WNT9A: variants seen among roughly 807,000 people sequenced by gnomAD.
WNT9A encodes the protein Wnt family member 9A.
A neutral mutation model predicts 31.4 loss-of-function variants in WNT9A; 8 were observed. The observed-to-expected ratio is 0.26, with a 90% CI of 0.15 to 0.46. The LOEUF is 0.46. WNT9A is among the 20% of genes least tolerant of loss of function. WNT9A has a pLI of 0.99. For synonymous variants in WNT9A, 236 were observed against 220.1 expected (o/e 1.07, Z -0.64); for missense variants, 457 against 522.9 (o/e 0.87, Z 1.23).
intron 1 of WNT9A, among the ~76,000 whole-genome samples, chr1:227,932,021 G>GC (rs1666521198): frequency 6.6e-6 from 1 of 152,060 alleles, no homozygotes; most frequent in Non-Finnish European, 1.5e-5. Context: ...ACGCCCAGCC[G>GC]GAAATTTCTT....
rs8192628 is a variant in WNT9A, at chr1:227,925,372, C to G, written c.243G>C (p.Thr81=). ...MCRRDPGVAE[T]LVEAVSMSAL... is the part of the protein sequence containing the mutation. ...CACTCATGCTCACGGCCTCCACCAG[C>G]GTCTCTGCCACGCCCGGGTCCCGGC... Residue 81 remains threonine (T), a synonymous_variant, in exon 2 of 4, where the codon ACG becomes ACC. Coordinates refer to ENST00000272164, the MANE Select transcript of WNT9A (RefSeq NM_003395.4). The surrounding 1 kb of genome is among the most constrained non-coding windows in gnomAD (Gnocchi z 6.0). 12,943 of 1,611,450 alleles carry G rather than the reference C, an allele frequency of 8.0e-3. 56 individuals are homozygous for G. The highest frequency in any genetic ancestry group is 9.7e-3 in the Non-Finnish European group (11,400 of 1,179,552).
In WNT9A at chr1:227,921,419, G is replaced by T; in HGVS notation, c.*99C>A. ...CAATGCCTGTACCCCACGCAGCTGG[G>T]CTGGTCGAGCCCAGGAACTCAGCCT... On this transcript the variant is annotated 3_prime_UTR_variant, in exon 4 of 4. Transcript: ENST00000272164. 2 of 1,518,740 alleles carry T rather than the reference G, an allele frequency of 1.3e-6. No homozygotes were observed. The highest frequency in any genetic ancestry group is 1.8e-6 in the Non-Finnish European group (2 of 1,129,754). 94.1% of individuals were successfully genotyped at this position (1,518,740 alleles called of 1,614,324 possible). A position where few individuals can be genotyped will look rare whatever the true frequency, so the allele number is the denominator to read the frequency against.
At chr1:227,946,153 C>T (rs981822550) in intron 1 of WNT9A, among the ~76,000 whole-genome samples, 1 of 152,222 alleles carries the variant, frequency 6.6e-6, no homozygotes, top group African/African-American at 2.4e-5. Context: ...CCTTGCTATG[C>T]GCCTGGCACC....
In WNT9A at chr1:227,919,722, C is replaced by CACACAGAG. The variant is rs55730500; in HGVS notation, c.*1795_*1796insCTCTGTGT. The CACACAGAG allele has an allele frequency of 0.016, 2,262 of 145,742 alleles. 59 individuals carry two copies. The highest frequency in any genetic ancestry group is 0.048 in the African/African-American group (1,836 of 38,502). 9.0% of individuals were successfully genotyped at this position (145,742 alleles called of 1,614,324 possible). On this transcript the variant is annotated 3_prime_UTR_variant, in exon 4 of 4. Coordinates refer to ENST00000272164, the MANE Select transcript of WNT9A (RefSeq NM_003395.4). ...ACACACACACACACACACACACACA[C>CACACAGAG]AGACCATGCCAGCATGCATTTATAC...
intron 1 of WNT9A, among the ~76,000 whole-genome samples, chr1:227,940,950 C>T (rs1264601697): frequency 3.9e-5 from 6 of 152,250 alleles, no homozygotes; most frequent in Admixed American, 3.3e-4. Flanking sequence ...CCACCCTGCC[C>T]GGCCTGGACC....
rs1666461247 is a variant in WNT9A, at chr1:227,928,765, A to T, written c.96-3246T>A. Among the ~76,000 whole-genome samples the T allele has an allele frequency of 6.6e-6, 1 of 152,214 alleles. No individual in the cohort carries two copies. The highest frequency in any genetic ancestry group is 1.5e-5 in the Non-Finnish European group (1 of 68,034). On this transcript the variant is annotated intron_variant, in intron 1 of 3. Transcript: ENST00000272164. This position sits in a 1 kb window ranked among gnomAD's most constrained non-coding sequence, Gnocchi z 4.5. ...TTCTGCCACACGACAGAGCCACAGA[A>T]GGGCTGAAGAAGGGAGGAGTGGTTC...
At chr1:227,922,318 A>AGG (rs1167116996) in intron 3 of WNT9A, among the ~76,000 whole-genome samples, 1 of 152,178 alleles carries the variant, frequency 6.6e-6, no homozygotes, top group Non-Finnish European at 1.5e-5. Context: ...TGCCCTCAGC[A>AGG]GGGGCTAGAC....
At chr1:227,930,939 C>T (rs753737472) in intron 1 of WNT9A, among the ~76,000 whole-genome samples, 2 of 150,678 alleles carry the variant, frequency 1.3e-5, no homozygotes, top group Non-Finnish European at 2.9e-5. Flanking sequence ...GCAGAGGTTG[C>T]GATGAGCCGA....
chr1:227,924,072 C>CCCCCCCCA, intron 3 of WNT9A, 66 bp downstream of exon 3: 3 of 891,726 alleles, frequency 3.4e-6, no homozygotes, highest in Non-Finnish European at 4.6e-6. Flanking sequence ...TCCCACGCCC[C>CCCCCCCCA]ACCCCCAACC....
intron 3 of WNT9A, 52 bp downstream of exon 3, chr1:227,924,085 CT>C (rs1254563211): frequency 1.9e-6 from 2 of 1,063,404 alleles, no homozygotes; most frequent in African/African-American, 1.6e-5. Flanking sequence ...CCCCAACCCC[CT>C]GACGCTCTTT....
intron 1 of WNT9A, among the ~76,000 whole-genome samples, chr1:227,938,609 A>G (rs1035100284): frequency 1.3e-5 from 2 of 150,570 alleles, no homozygotes; most frequent in Non-Finnish European, 3.0e-5. Flanking sequence ...ACATGCATAC[A>G]TGTATACACA....
At position 227,926,248 on chromosome 1, in the gene WNT9A, A is replaced by C. The variant is rs1027718281; in HGVS notation, c.96-729T>G. ...CCCCTGGGGGCCTCTGAGCTGATGA[A>C]CACCACCCTCCATCTTTACACGAGG... On this transcript the variant is annotated intron_variant, in intron 1 of 3. Coordinates refer to ENST00000272164, the MANE Select transcript of WNT9A (RefSeq NM_003395.4). This position sits in a 1 kb window ranked among gnomAD's most constrained non-coding sequence, Gnocchi z 5.0. Among the ~76,000 whole-genome samples, 6 of 151,990 alleles carry C rather than the reference A, an allele frequency of 3.9e-5. No individual in the cohort carries two copies. The highest frequency in any genetic ancestry group is 8.8e-5 in the Non-Finnish European group (6 of 67,972).
chr1:227,927,541 C>G (rs1432284118), intron 1 of WNT9A, among the ~76,000 whole-genome samples: 1 of 152,166 alleles, frequency 6.6e-6, no homozygotes, highest in East Asian at 1.9e-4. Flanking sequence ...TGCACAGACA[C>G]CTCCAAGCCC....
rs1666380696 is a variant in WNT9A at position 227,924,350 on chromosome 1, G to T, written c.403C>A (p.His135Asn). The change falls in exon 3 of 4, where the codon CAC (histidine) becomes AAC (asparagine). Residue 135 changes from histidine to asparagine, a missense_variant. Coordinates refer to ENST00000272164, the MANE Select transcript of WNT9A (RefSeq NM_003395.4). Reference protein sequence around the residue: ...LYAISSAGLTHALAKACSAGR... With the variant: ...LYAISSAGLTNALAKACSAGR... Reference sequence around the variant, plus strand: ...GCGCTGCACGCCTTGGCCAGTGCGTGCGTCAGGCCAGCCGAGGAGATGGCA... The same window carrying T: ...GCGCTGCACGCCTTGGCCAGTGCGTTCGTCAGGCCAGCCGAGGAGATGGCA... The T allele has an allele frequency of 3.1e-6, 5 of 1,613,336 alleles. No homozygotes were observed. The South Asian group carries it at 5.5e-5, about 18-fold the overall frequency.
Position 227,925,549 on chromosome 1 carries a change from G to T in WNT9A, c.96-30C>A. On this transcript the variant is annotated intron_variant, in intron 1 of 3. Transcript: ENST00000272164. The surrounding 1 kb of genome is among the most constrained non-coding windows in gnomAD (Gnocchi z 6.0). ...GCACAGAGAGGCCAGCATGAGCCCGGCCCCAGGAAGCCCTGCTGGAGCCTG... is the reference window on the plus strand; with the variant it reads ...GCACAGAGAGGCCAGCATGAGCCCGTCCCCAGGAAGCCCTGCTGGAGCCTG... 6.8e-7 allele frequency: 1 copy of T among 1,477,450 alleles called. No homozygotes were observed. The allele number at this position is 1,477,450 out of a possible 1,614,324, so 91.5% of individuals were successfully genotyped here.
intron 1 of WNT9A, among the ~76,000 whole-genome samples, chr1:227,941,854 A>G (rs1424737590): frequency 1.3e-5 from 2 of 152,008 alleles, no homozygotes; most frequent in Non-Finnish European, 1.5e-5. Context: ...GCCCAGCACA[A>G]TGCACAAAGG....
chr1:227,935,621 T>G (rs1666582523), intron 1 of WNT9A, among the ~76,000 whole-genome samples: 1 of 152,248 alleles, frequency 6.6e-6, no homozygotes, highest in Admixed American at 6.5e-5. Flanking sequence ...CAACCCAGGC[T>G]TTCGCCTGGA....
In WNT9A at chr1:227,947,718, G is replaced by T. The variant is rs1243600871; in HGVS notation, c.95+75C>A. The T allele has an allele frequency of 6.5e-6, 6 of 918,842 alleles. No homozygotes were observed. In the East Asian group the frequency reaches 3.3e-4, roughly 51 times the overall value. The allele number at this position is 918,842 out of a possible 1,614,324, so 56.9% of individuals were successfully genotyped here. On this transcript the variant is annotated intron_variant, in intron 1 of 3. Coordinates refer to ENST00000272164, the MANE Select transcript of WNT9A (RefSeq NM_003395.4). ...CGGCCCCAGCCACCCCGGGTGCCTC[G>T]GGGACTCCGGACGACCCCGCCCCGG...
rs988292730 is a variant in WNT9A, at chr1:227,926,486, C to T, written c.96-967G>A. Among the ~76,000 whole-genome samples the T allele has an allele frequency of 6.6e-5, 10 of 152,206 alleles. No individual in the cohort carries two copies. Among genetic ancestry groups the T allele is most frequent in the Admixed American group, 5.9e-4 (9 of 15,300 alleles). On this transcript the variant is annotated intron_variant, in intron 1 of 3. Coordinates refer to ENST00000272164, the MANE Select transcript of WNT9A (RefSeq NM_003395.4). This position sits in a 1 kb window ranked among gnomAD's most constrained non-coding sequence, Gnocchi z 5.0. The stretch of plus-strand genomic sequence containing the variant: ...AGCCCTCAACCCCAAACCCTGACCC[C>T]GACCCCATGTCACCTGTCTATCCTG...
Sources: allele counts gnomAD v4.1 joint callset (sites outside exome capture counted in the v4.1 genomes callset), GRCh38; gene constraint gnomAD v4.1.1; non-coding constraint Gnocchi (gnomAD v3.1); transcripts MANE v1.5; gene names NCBI Gene and HGNC (gene_info 2026-07-23, HGNC 2026-07-21).